The following TDRD5 variants were observed in gnomAD, a reference collection of about 807,000 sequenced individuals.
TDRD5 encodes the protein tudor domain containing 5.
TDRD5 carries 41 observed loss-of-function variants against 120.6 expected under a neutral mutation model. The observed-to-expected ratio is 0.34, with a 90% CI of 0.26 to 0.44. TDRD5 has a LOEUF of 0.44. Among genes scored for constraint, TDRD5 ranks in the 20% least tolerant of loss-of-function variants. TDRD5 has a pLI of 1.00. For synonymous variants in TDRD5, 430 were observed against 433.7 expected, an observed-to-expected ratio of 0.99 and a Z score of 0.11; for missense variants, 1,006 against 1,221.2, an observed-to-expected ratio of 0.82 and a Z score of 2.63.
intron 11 of TDRD5, among the ~76,000 whole-genome samples, chr1:179,648,359 A>G (rs1678509911): frequency 2.1e-5 from 3 of 140,046 alleles, no homozygotes; most frequent in Admixed American, 7.7e-5. Context: ...AGAAAACCAA[A>G]CACCGCATAT....
chr1:179,592,838 A>G lies in TDRD5; in HGVS notation c.223A>G (p.Ile75Val). Residue 75 changes from isoleucine (I) to valine (V), a missense_variant, in exon 2 of 18, where the codon ATA becomes GTA. Physicochemically the swap from Ile to Val is conservative, Grantham distance 29. Coordinates refer to ENST00000444136, the MANE Select transcript of TDRD5 (RefSeq NM_001199085.3). Reference protein sequence around the residue: ...RVCPGAGGTVILKAIPDESTK... With the variant: ...RVCPGAGGTVVLKAIPDESTK... ...CTGCCCCGGTGCAGGTGGTACTGTA[A>G]TACTGAAAGGTAGGTTTAAGATTTT... 1 of 1,614,154 alleles carries G rather than the reference A, an allele frequency of 6.2e-7. No individual in the cohort carries two copies. Among genetic ancestry groups the G allele is most frequent in the Non-Finnish European group, 8.5e-7 (1 of 1,179,998 alleles).
chr1:179,607,704 C>CG (rs1676050118), intron 4 of TDRD5, among the ~76,000 whole-genome samples: 2 of 151,982 alleles, frequency 1.3e-5, no homozygotes, highest in African/African-American at 4.8e-5. Flanking sequence ...CCTTTGTGCT[C>CG]TTATTGTGAT....
intron 1 of TDRD5, 124 bp from the exon 2 acceptor site, chr1:179,592,478 T>C: frequency 1.4e-6 from 1 of 728,680 alleles, no homozygotes. Flanking sequence ...ACCCTCATAC[T>C]ACTACTTCTG....
rs541493126 is a variant in TDRD5 at position 179,647,101 on chromosome 1, T to C, written c.1801-3766T>C. ...TCTTCACAGAATTGGAAAAAACTAC[T>C]TTAAAGTTCATATGGAACCAAAAAA... On this transcript the variant is annotated intron_variant, in intron 11 of 17. Coordinates refer to ENST00000444136, the MANE Select transcript of TDRD5 (RefSeq NM_001199085.3). 5.3e-5 allele frequency among the ~76,000 whole-genome samples: 8 copies of C among 149,758 alleles called. No individual in the cohort carries two copies. In the Admixed American group the frequency reaches 5.4e-4, roughly 10 times the overall value.
chr1:179,614,639 C>T (rs1011392930), intron 4 of TDRD5, among the ~76,000 whole-genome samples: 7 of 152,050 alleles, frequency 4.6e-5, no homozygotes, highest in Admixed American at 3.9e-4. Flanking sequence ...TGTACCTTTG[C>T]TGGTACTCAG....
intron 17 of TDRD5, among the ~76,000 whole-genome samples, chr1:179,672,102 TATA>T (rs1223430317): frequency 6.6e-6 from 1 of 151,868 alleles, no homozygotes; most frequent in Admixed American, 6.6e-5. Context: ...ATCTTTTTCG[TATA>T]ATGACTTCTT....
intron 4 of TDRD5, among the ~76,000 whole-genome samples, chr1:179,616,263 C>A (rs140519992): frequency 3.9e-5 from 6 of 152,264 alleles, no homozygotes; most frequent in Admixed American, 2.0e-4. Flanking sequence ...CTTTGTTCCA[C>A]GGTACTTTTG....
intron 2 of TDRD5, 108 bp from the exon 3 acceptor site, chr1:179,593,351 TG>T: frequency 1.6e-6 from 2 of 1,225,886 alleles, no homozygotes; most frequent in Non-Finnish European, 2.2e-6. Context: ...TCGTGCTGCC[TG>T]GATAAACAGC....
intron 17 of TDRD5, among the ~76,000 whole-genome samples, chr1:179,685,544 TG>T (rs1400677412): frequency 6.6e-6 from 1 of 152,208 alleles, no homozygotes; most frequent in Non-Finnish European, 1.5e-5. Flanking sequence ...TGGTTCCATA[TG>T]AACTTTAAAG....
intron 12 of TDRD5, among the ~76,000 whole-genome samples, chr1:179,651,772 G>T (rs1572400699): frequency 6.6e-6 from 1 of 152,032 alleles, no homozygotes; most frequent in Non-Finnish European, 1.5e-5. Context: ...AATTAGTCAG[G>T]CGTGATGGCA....
rs527258410 is a variant in TDRD5 at position 179,613,296 on chromosome 1, T to C, written c.832-5303T>C. Among the ~76,000 whole-genome samples, 4 of 152,298 alleles carry C rather than the reference T, an allele frequency of 2.6e-5. No homozygotes were observed. The South Asian group carries it at 6.2e-4, about 24-fold the overall frequency. On this transcript the variant is annotated intron_variant, in intron 4 of 17. Coordinates refer to ENST00000444136, the MANE Select transcript of TDRD5 (RefSeq NM_001199085.3). ...CAGAAGGAGCTATTCAGTGGGTTAA[T>C]TAATGCAGTTCTCTGGGGGTTATAT...
At chr1:179,599,627 C>G (rs1050937101) in intron 4 of TDRD5, among the ~76,000 whole-genome samples, 30 of 151,454 alleles carry the variant, frequency 2.0e-4, no homozygotes, top group African/African-American at 7.3e-4. Flanking sequence ...TAAAGTTGTT[C>G]ATAATGTTCT....
chr1:179,688,532 C>T (rs1171448364), intron 17 of TDRD5, among the ~76,000 whole-genome samples: 1 of 152,138 alleles, frequency 6.6e-6, no homozygotes, highest in African/African-American at 2.4e-5. Flanking sequence ...CTTGGAGTTG[C>T]TCTTCTCAAG....
chr1:179,652,834 T>G (rs1157842020), intron 13 of TDRD5, among the ~76,000 whole-genome samples: 1 of 152,222 alleles, frequency 6.6e-6, no homozygotes, highest in Non-Finnish European at 1.5e-5. Context: ...TAACCTCATA[T>G]GACAGGTTGC....
chr1:179,606,251 G>T (rs1423677665), intron 4 of TDRD5, among the ~76,000 whole-genome samples: 1 of 99,738 alleles, frequency 1.0e-5, no homozygotes, highest in Non-Finnish European at 2.5e-5. Context: ...TTAGTGAGAG[G>T]TCTGTTCAGG....
intron 16 of TDRD5, among the ~76,000 whole-genome samples, chr1:179,668,592 C>G (rs1160124037): frequency 6.6e-6 from 1 of 152,176 alleles, no homozygotes; most frequent in Non-Finnish European, 1.5e-5. Flanking sequence ...CATCACTTCT[C>G]TCGTGCCCTG....
At chr1:179,612,226 T>C (rs1157606525) in intron 4 of TDRD5, among the ~76,000 whole-genome samples, 1 of 152,218 alleles carries the variant, frequency 6.6e-6, no homozygotes, top group Non-Finnish European at 1.5e-5. Flanking sequence ...TTTTCCTTTG[T>C]AAAATGAGGA....
chr1:179,642,943 G>C (rs1270969767), intron 11 of TDRD5, among the ~76,000 whole-genome samples: 1 of 152,238 alleles, frequency 6.6e-6, no homozygotes, highest in Non-Finnish European at 1.5e-5. Context: ...CAGTCTTGCT[G>C]TCCTAAAGAA....
In TDRD5 at chr1:179,593,884, A is replaced by G. The variant is rs760539370; in HGVS notation, c.640+17A>G. Reference sequence around the variant, plus strand: ...GTCCAGCAGGTACGCATGTGAGCAAATGTTGGAGCAGTCATGGCACATAGA... The same window carrying G: ...GTCCAGCAGGTACGCATGTGAGCAAGTGTTGGAGCAGTCATGGCACATAGA... On this transcript the variant is annotated intron_variant, in intron 3 of 17. Coordinates refer to ENST00000444136, the MANE Select transcript of TDRD5 (RefSeq NM_001199085.3). 2.5e-6 allele frequency: 4 copies of G among 1,605,434 alleles called. No homozygotes were observed. The highest frequency in any genetic ancestry group is 4.5e-5 in the East Asian group (2 of 44,758).
Sources: gnomAD v4.1 joint callset for allele counts (sites outside exome capture counted in the v4.1 genomes callset) on GRCh38, gnomAD v4.1.1 for gene constraint, MANE v1.5 for transcripts, NCBI Gene and HGNC (gene_info 2026-07-23, HGNC 2026-07-21) for gene names.